MYT1L: variants seen among roughly 807,000 people sequenced by gnomAD.
The protein encoded by MYT1L is myelin transcription factor 1-like protein.
In MYT1L, 12 loss-of-function variants were observed where a neutral mutation model predicts 126.7. The ratio of observed to expected loss-of-function variants is 0.09; its 90% CI spans 0.06 to 0.15. The LOEUF is 0.15. MYT1L is among the 10% of genes least tolerant of loss of function. The pLI, the probability that MYT1L is intolerant of heterozygous loss-of-function variation, is 1.00. For missense variants in MYT1L, 979 were observed against 1,585.2 expected (o/e 0.62, Z 6.49); for synonymous variants, 541 against 604.2 (o/e 0.90, Z 1.53).
At chr2:2,126,158 C>G (rs1334549026) in intron 3 of MYT1L, among the ~76,000 whole-genome samples, 1 of 152,144 alleles carries the variant, frequency 6.6e-6, no homozygotes, top group Non-Finnish European at 1.5e-5. Flanking sequence ...CTGTGTTTAC[C>G]TGGGAGGGAA....
At chr2:2,111,374 G>A (rs779010426) in intron 3 of MYT1L, among the ~76,000 whole-genome samples, 1 of 152,156 alleles carries the variant, frequency 6.6e-6, no homozygotes, top group African/African-American at 2.4e-5. Context: ...CTCACACAAC[G>A]TGCTGCTCCT....
intron 2 of MYT1L, among the ~76,000 whole-genome samples, chr2:2,267,673 A>G (rs1465222053): frequency 6.6e-6 from 1 of 152,130 alleles, no homozygotes; most frequent in East Asian, 1.9e-4. Context: ...GCTAGCATGA[A>G]CTCAGATGAA....
chr2:2,281,832 A>G (rs550812357), intron 2 of MYT1L, among the ~76,000 whole-genome samples: 1 of 152,318 alleles, frequency 6.6e-6, no homozygotes, highest in South Asian at 2.1e-4. Context: ...AACCCTTGAC[A>G]CAATCCAACA....
chr2:1,903,925 T>TTG (rs2050680635), intron 13 of MYT1L, among the ~76,000 whole-genome samples: 1 of 151,092 alleles, frequency 6.6e-6, no homozygotes. Context: ...AGACACCATG[T>TTG]CGTGTGTGTG....
At chr2:2,049,122 T>C (rs970174132) in intron 4 of MYT1L, among the ~76,000 whole-genome samples, 1 of 152,180 alleles carries the variant, frequency 6.6e-6, no homozygotes, top group African/African-American at 2.4e-5. Context: ...CATTATTCCA[T>C]GAGTTAAGGA....
Position 1,791,317 on chromosome 2 carries a change from A to G in MYT1L, c.*550T>C, listed in dbSNP as rs542821193. 39 of 451,536 alleles carry G rather than the reference A, an allele frequency of 8.6e-5. 1 individual carries two copies. Among genetic ancestry groups the G allele is most frequent in the South Asian group, 6.2e-4 (37 of 60,082 alleles). The allele number at this position is 451,536 out of a possible 1,614,324, so 28.0% of individuals were successfully genotyped here. On this transcript the variant is annotated 3_prime_UTR_variant, in exon 25 of 25. Coordinates refer to ENST00000647738, the MANE Select transcript of MYT1L (RefSeq NM_001303052.2). The surrounding 1 kb of genome is among the most constrained non-coding windows in gnomAD (Gnocchi z 6.0). ...ATATTTCCAAGCATTGTTCAAAAAT[A>G]AAGCATTTTTGCAACGAATTCTTGC...
chr2:1,943,432 C>A lies in MYT1L; in HGVS notation c.153-98G>T, dbSNP rs771301865. 6.1e-6 allele frequency: 8 copies of A among 1,320,848 alleles called. No homozygotes were observed. The highest frequency in any genetic ancestry group is 8.0e-6 in the Non-Finnish European group (8 of 993,870). The allele number at this position is 1,320,848 out of a possible 1,614,324, so 81.8% of individuals were successfully genotyped here. ...ACCAATGGGGGCCTTGATCAAGGTACTTAAAGGCTTATCATGAATGTCATC... is the reference window on the plus strand; with the variant it reads ...ACCAATGGGGGCCTTGATCAAGGTAATTAAAGGCTTATCATGAATGTCATC... On this transcript the variant is annotated intron_variant, in intron 8 of 24. Coordinates refer to ENST00000647738, the MANE Select transcript of MYT1L (RefSeq NM_001303052.2). This position sits in a 1 kb window ranked among gnomAD's most constrained non-coding sequence, Gnocchi z 4.4.
chr2:2,070,084 T>C (rs975871659), intron 3 of MYT1L, among the ~76,000 whole-genome samples: 7 of 151,998 alleles, frequency 4.6e-5, no homozygotes, highest in African/African-American at 1.4e-4. Flanking sequence ...CGGTTTTTAT[T>C]TGTCACTAAG....
At position 1,979,062 on chromosome 2, in the gene MYT1L, T is replaced by C. The variant is rs893649381; in HGVS notation, c.152+103A>G. On this transcript the variant is annotated intron_variant, in intron 8 of 24. Transcript: ENST00000647738. This position sits in a 1 kb window ranked among gnomAD's most constrained non-coding sequence, Gnocchi z 4.0. ...GAAGAAAAAGAAGGCATAATGTGTATTGCTTTCCAAGAACACCTGCTCACA... is the reference window on the plus strand; with the variant it reads ...GAAGAAAAAGAAGGCATAATGTGTACTGCTTTCCAAGAACACCTGCTCACA... 2.2e-5 allele frequency: 20 copies of C among 896,738 alleles called. 1 individual carries two copies. The South Asian group carries it at 2.3e-4, about 10-fold the overall frequency. The allele number at this position is 896,738 out of a possible 1,614,324, so 55.5% of individuals were successfully genotyped here. A position where few individuals can be genotyped will look rare whatever the true frequency, so the allele number is the denominator to read the frequency against.
chr2:1,958,661 G>A (rs555926345), intron 8 of MYT1L, among the ~76,000 whole-genome samples: 90 of 152,302 alleles, frequency 5.9e-4, no homozygotes, highest in African/African-American at 2.0e-3. Flanking sequence ...TCGTGATCCC[G>A]GTTCCATGGG....
intron 21 of MYT1L, among the ~76,000 whole-genome samples, chr2:1,818,081 C>T (rs1191717529): frequency 1.3e-5 from 2 of 151,590 alleles, no homozygotes; most frequent in Non-Finnish European, 2.9e-5. Context: ...CTCCGGGAGG[C>T]CCTGACATTT....
At chr2:2,003,955 A>T (rs1216900162) in intron 4 of MYT1L, among the ~76,000 whole-genome samples, 1 of 150,774 alleles carries the variant, frequency 6.6e-6, no homozygotes, top group Admixed American at 6.6e-5. Flanking sequence ...TCTTTCCTGC[A>T]TGCGTTCTTT....
chr2:1,834,566 A>C (rs916370693), intron 21 of MYT1L, among the ~76,000 whole-genome samples: 1 of 152,240 alleles, frequency 6.6e-6, no homozygotes, highest in Non-Finnish European at 1.5e-5. Context: ...TCCATGAAAT[A>C]GGACGGTCAC....
intron 3 of MYT1L, among the ~76,000 whole-genome samples, chr2:2,054,889 T>C (rs535814790): frequency 6.8e-6 from 1 of 148,070 alleles, no homozygotes; most frequent in South Asian, 2.2e-4. Context: ...ATGAGACACA[T>C]GGAGATGGTG....
At chr2:1,894,664 T>TA (rs539279815) in intron 14 of MYT1L, among the ~76,000 whole-genome samples, 45 of 151,328 alleles carry the variant, frequency 3.0e-4, no homozygotes, top group African/African-American at 1.1e-3. Context: ...TTTCAATTCC[T>TA]AAAAAAAATT....
intron 4 of MYT1L, among the ~76,000 whole-genome samples, chr2:2,018,067 T>C (rs765958774): frequency 5.9e-5 from 9 of 152,180 alleles, no homozygotes; most frequent in Middle Eastern, 3.2e-3. Context: ...CATAATTGAT[T>C]TTCCACATGG....
chr2:1,875,672 C>T (rs561969270), intron 18 of MYT1L, among the ~76,000 whole-genome samples: 17 of 152,278 alleles, frequency 1.1e-4, no homozygotes, highest in South Asian at 8.3e-4. Context: ...GGTGGATGTC[C>T]GGGGATCGAT....
intron 2 of MYT1L, among the ~76,000 whole-genome samples, chr2:2,181,738 G>A (rs1458399583): frequency 6.6e-6 from 1 of 152,164 alleles, no homozygotes; most frequent in Non-Finnish European, 1.5e-5. Flanking sequence ...GCAACCACAG[G>A]AGGGTGCATG....
At chr2:1,932,045 A>G (rs912579780) in intron 9 of MYT1L, among the ~76,000 whole-genome samples, 6 of 152,144 alleles carry the variant, frequency 3.9e-5, no homozygotes, top group African/African-American at 1.4e-4. Flanking sequence ...ACCGAAAGGA[A>G]GCATGCAGGC....
Sources: gnomAD v4.1 joint callset for allele counts (sites outside exome capture counted in the v4.1 genomes callset) on GRCh38, gnomAD v4.1.1 for gene constraint, Gnocchi (gnomAD v3.1) non-coding constraint, MANE v1.5 for transcripts, NCBI Gene and HGNC (gene_info 2026-07-23, HGNC 2026-07-21) for gene names.